The following ENTPD2 variants were observed in gnomAD, a reference collection of about 807,000 sequenced individuals.
ENTPD2 encodes CD39 antigen-like 1.
Under a neutral mutation model 46.8 loss-of-function variants are expected in ENTPD2, and 48 were observed. The ratio of observed to expected loss-of-function variants is 1.03; its 90% CI spans 0.81 to 1.30. The LOEUF (loss-of-function observed/expected upper bound fraction) is 1.30, where lower values mean the gene tolerates loss of function less well. ENTPD2 is among the 50% of genes most tolerant of loss of function. The pLI is 0.00. For missense variants in ENTPD2, 707 were observed against 651.1 expected, an observed-to-expected ratio of 1.09 and a Z score of -0.93; for synonymous variants, 316 against 286.1, an observed-to-expected ratio of 1.10 and a Z score of -1.06.
At position 137,048,731 on chromosome 9, in the gene ENTPD2, C is replaced by T. The variant is rs753972936; in HGVS notation, c.1414G>A (p.Ala472Thr). The T allele has an allele frequency of 3.1e-6, 5 of 1,604,860 alleles. No homozygotes were observed. Among genetic ancestry groups the T allele is most frequent in the South Asian group, 1.1e-5 (1 of 89,816 alleles). ...ACAAGCGCAGCCAGGAGCGCGGAGG[C>T]GAAGAGCAGCAGGAGGACGACCCAG... The part of the protein sequence containing the change: ...SSWVVLLLLF[A>T]SALLAALVLL... Residue 472 changes from alanine to threonine, a missense_variant, in exon 9 of 9, where the codon GCC (alanine) becomes ACC (threonine). Coordinates refer to ENST00000355097, the MANE Select transcript of ENTPD2 (RefSeq NM_203468.3).
chr9:137,052,585 G>T (rs909822148), intron 1 of ENTPD2: 1 of 416,144 alleles, frequency 2.4e-6, no homozygotes. Flanking sequence ...AAGCCAGCAT[G>T]CCAGGGTCTG....
Position 137,053,947 on chromosome 9 carries a change from CGCGGCGGCCAGCAGCA to C in ENTPD2, c.35_50del (p.Leu12ArgfsTer114), listed in dbSNP as rs944828515. On this transcript the variant is annotated frameshift_variant, in exon 1 of 9. Coordinates refer to ENST00000355097, the MANE Select transcript of ENTPD2 (RefSeq NM_203468.3). LOFTEE classifies it high-confidence loss of function. ...ACAGCAGTAGGAGGCCGGCGAGGCC[CGCGGCGGCCAGCAGCA>C]GCGGCGGCAGCAGTGACCGCACCTT... 1.6e-6 allele frequency: 2 copies of C among 1,224,358 alleles called. No individual in the cohort carries two copies. The highest frequency in any genetic ancestry group is 1.6e-5 in the African/African-American group (1 of 63,900). The allele number at this position is 1,224,358 out of a possible 1,614,324, so 75.8% of individuals were successfully genotyped here.
chr9:137,050,686 A>G, intron 5 of ENTPD2, 148 bp from the exon 6 acceptor site: 5 of 1,353,816 alleles, frequency 3.7e-6, no homozygotes, highest in Non-Finnish European at 4.9e-6. Flanking sequence ...ACAGATCCCA[A>G]CGCCCCTGAC....
Position 137,049,082 on chromosome 9 carries a change from CGCGGGCGGGACACCGTCAG to C in ENTPD2, c.1150-26_1150-8del. ...CTGGCACCCGAGCTTGCAGCTGGGA[CGCGGGCGGGACACCGTCAG>C]GCAGGCGACCACCAGGAGGTCTCGG... On this transcript the variant is annotated splice_polypyrimidine_tract_variant and splice_region_variant and intron_variant, in intron 7 of 8. Transcript: ENST00000355097. 6.5e-7 allele frequency: 1 copy of C among 1,531,666 alleles called. No individual in the cohort carries two copies. Among genetic ancestry groups the C allele is most frequent in the Non-Finnish European group, 8.7e-7 (1 of 1,144,214 alleles). The allele number at this position is 1,531,666 out of a possible 1,614,324, so 94.9% of individuals were successfully genotyped here. A position where few individuals can be genotyped will look rare whatever the true frequency, so the allele number is the denominator to read the frequency against.
In ENTPD2 at chr9:137,049,047, GC is replaced by G. The variant is rs752603291; in HGVS notation, c.1177del (p.Ala393ProfsTer17). On this transcript the variant is annotated frameshift_variant, in exon 8 of 9. Transcript: ENST00000355097. LOFTEE classifies it high-confidence loss of function. ...CCCGGCGCAGTAGTCGGCCAGGCGG[GC>G]CCGTTGCCCTGGCACCCGAGCTTGC... ...QLQARVPGQRARLADYCAGAM... is the reference protein window; with the variant it reads ...QLQARVPGQRXRLADYCAGAM... The G allele has an allele frequency of 3.9e-6, 6 of 1,534,296 alleles. No homozygotes were observed. In the South Asian group the frequency reaches 7.1e-5, roughly 18 times the overall value.
At chr9:137,049,795 C>A (rs1832221608) in intron 7 of ENTPD2, 75 bp downstream of exon 7, 2 of 1,514,826 alleles carry the variant, frequency 1.3e-6, no homozygotes, top group Non-Finnish European at 1.8e-6. Flanking sequence ...CCTGTCCATG[C>A]AGGGCTGGGG....
At chr9:137,053,848 C>T in intron 1 of ENTPD2, 33 bp downstream of exon 1, 1 of 1,206,806 alleles carries the variant, frequency 8.3e-7, no homozygotes, top group Non-Finnish European at 1.0e-6. Context: ...GCCCGCTGCT[C>T]CCCAGACGTG....
At chr9:137,048,913 G>GAACCC in intron 8 of ENTPD2, 28 bp downstream of exon 8, 1 of 1,478,534 alleles carries the variant, frequency 6.8e-7, no homozygotes, top group Non-Finnish European at 9.0e-7. Flanking sequence ...CCGCAAGGTC[G>GAACCC]GCCCCGCCCC....
In ENTPD2 at chr9:137,049,947, A is replaced by T. The variant is rs756765043; in HGVS notation, c.1072T>A (p.Ser358Thr). Residue 358 changes from serine (S) to threonine (T), a missense_variant, in exon 7 of 9, where the codon TCG (serine) becomes ACG (threonine). Transcript: ENST00000355097. ...AGGGTGGCCACGGGCAGCCCCATCG[A>T]AGTCCGCAAAAAGTCCACAGTGTAG... ...FFYTVDFLRT[S>T]MGLPVATLQQ... is the part of the protein sequence containing the mutation. 10 of 1,612,494 alleles carry T rather than the reference A, an allele frequency of 6.2e-6. No individual in the cohort carries two copies. The highest frequency in any genetic ancestry group is 6.8e-6 in the Non-Finnish European group (8 of 1,179,834).
chr9:137,053,276 C>G (rs1355842641), intron 1 of ENTPD2: 2 of 152,380 alleles, frequency 1.3e-5, no homozygotes, highest in Non-Finnish European at 2.9e-5. Flanking sequence ...TTAAAGGGGC[C>G]GACCAGGAGG....
chr9:137,053,066 C>G (rs1199390812), intron 1 of ENTPD2: 1 of 152,444 alleles, frequency 6.6e-6, no homozygotes, highest in Non-Finnish European at 1.5e-5. Flanking sequence ...CTCCCAGGCC[C>G]GGGCGCCAAT....
chr9:137,048,847 G>GCAGTGTC lies in ENTPD2; in HGVS notation c.1291_1297dup (p.Ala433GlyfsTer208), dbSNP rs1832194481. On this transcript the variant is annotated frameshift_variant, in exon 9 of 9. Transcript: ENST00000355097. LOFTEE classifies it low-confidence loss of function (END_TRUNC). ...CATGTAGCCGAGCGCCCAGCCCACT[G>GCAGTGTC]CAGTGTCCGCGGCCTGCGGGGAAGG... 6.5e-7 allele frequency: 1 copy of GCAGTGTC among 1,544,604 alleles called. No individual in the cohort carries two copies. Among genetic ancestry groups the GCAGTGTC allele is most frequent in the Middle Eastern group, 1.7e-4 (1 of 5,772 alleles).
In ENTPD2 at chr9:137,049,939, C is replaced by T; in HGVS notation, c.1080G>A (p.Gly360=). The part of the protein sequence containing the change: ...YTVDFLRTSM[G]LPVATLQQLE... ...GCTGCTGCAGGGTGGCCACGGGCAG[C>T]CCCATCGAAGTCCGCAAAAAGTCCA... Residue 360 remains glycine (G), a synonymous_variant, in exon 7 of 9, where the codon GGG becomes GGA. Transcript: ENST00000355097. 1 of 1,612,548 alleles carries T rather than the reference C, an allele frequency of 6.2e-7. No homozygotes were observed. The highest frequency in any genetic ancestry group is 8.5e-7 in the Non-Finnish European group (1 of 1,179,764).
Position 137,050,485 on chromosome 9 carries a change from G to A in ENTPD2, c.828C>T (p.Leu276=), listed in dbSNP as rs558487969. 51 of 1,612,798 alleles carry A rather than the reference G, an allele frequency of 3.2e-5. No homozygotes were observed. Among genetic ancestry groups the A allele is most frequent in the South Asian group, 1.9e-4 (17 of 91,084 alleles). Residue 276 remains leucine (L), a synonymous_variant, in exon 6 of 9, where the codon CTC becomes CTT. Coordinates refer to ENST00000355097, the MANE Select transcript of ENTPD2 (RefSeq NM_203468.3). ...TGCATGGTGACTGGTACACATCCCC[G>A]AGCAGCACTTGGGTGGAAAAGCCCC... ...WPRGFSTQVL[L]GDVYQSPCTM...
chr9:137,052,313 C>T lies in ENTPD2; in HGVS notation c.153G>A (p.Thr51=), dbSNP rs2271866. 4.5e-6 allele frequency: 7 copies of T among 1,559,736 alleles called. No homozygotes were observed. The highest frequency in any genetic ancestry group is 4.2e-5 in the African/African-American group (3 of 72,054). ...CCGGCCACTTGTAGATAAACATGGA[C>T]GTGTGTGAAGAACCAGCGTCCAGGA... is the stretch of plus-strand genomic sequence containing the variant. The part of the protein sequence containing the change: ...GIVLDAGSSH[T]SMFIYKWPAD... The change falls in exon 2 of 9, where the codon ACG becomes ACA. Residue 51 remains threonine, a synonymous_variant. Transcript: ENST00000355097.
chr9:137,048,725 C>G lies in ENTPD2; in HGVS notation c.1420G>C (p.Ala474Pro). ...WVVLLLLFASALLAALVLLLR... is the reference protein window; with the variant it reads ...WVVLLLLFASPLLAALVLLLR... ...AGCAGGACAAGCGCAGCCAGGAGCG[C>G]GGAGGCGAAGAGCAGCAGGAGGACG... The change falls in exon 9 of 9, where the codon GCG (alanine) becomes CCG (proline). Residue 474 changes from alanine to proline, a missense_variant. Ala to Pro is a conservative substitution (Grantham distance 27, BLOSUM62 -1). Coordinates refer to ENST00000355097, the MANE Select transcript of ENTPD2 (RefSeq NM_203468.3). 1.9e-6 allele frequency: 3 copies of G among 1,605,936 alleles called. No individual in the cohort carries two copies. Among genetic ancestry groups the G allele is most frequent in the Non-Finnish European group, 2.5e-6 (3 of 1,176,880 alleles).
Position 137,049,400 on chromosome 9 carries a change from T to A in ENTPD2, c.1150-325A>T, listed in dbSNP as rs1048312957. The A allele has an allele frequency of 5.1e-6, 3 of 589,880 alleles. No individual in the cohort carries two copies. In the Admixed American group the frequency reaches 8.4e-5, roughly 17 times the overall value. The allele number at this position is 589,880 out of a possible 1,614,324, so 36.5% of individuals were successfully genotyped here. The stretch of plus-strand genomic sequence containing the variant: ...ACAGGACGAGCTCCAGGCCTGAGTC[T>A]GCCCGCTGGCTCGCCGCCTGTCCCC... On this transcript the variant is annotated intron_variant, in intron 7 of 8. Transcript: ENST00000355097.
At position 137,053,994 on chromosome 9, in the gene ENTPD2, C is replaced by T. The variant is rs1180950570; in HGVS notation, c.4G>A (p.Ala2Thr). Residue 2 changes from alanine to threonine, a missense_variant, in exon 1 of 9, where the codon GCC becomes ACC. Transcript: ENST00000355097. M[A>T]GKVRSLLPPL... ...GGCAGCAGTGACCGCACCTTCCCGG[C>T]CATGGGCGGGCGGGCGCGCGGGAGG... 2.5e-6 allele frequency: 3 copies of T among 1,203,806 alleles called. No individual in the cohort carries two copies. Among genetic ancestry groups the T allele is most frequent in the Admixed American group, 8.7e-5 (2 of 23,030 alleles). The allele number at this position is 1,203,806 out of a possible 1,614,324, so 74.6% of individuals were successfully genotyped here. A position where few individuals can be genotyped will look rare whatever the true frequency, so the allele number is the denominator to read the frequency against.
rs769215368 is a variant in ENTPD2 at position 137,050,473 on chromosome 9, G to A, written c.840C>T (p.Tyr280=). 3.1e-6 allele frequency: 5 copies of A among 1,612,882 alleles called. No homozygotes were observed. Among genetic ancestry groups the A allele is most frequent in the Middle Eastern group, 1.7e-4 (1 of 6,060 alleles). Residue 280 remains tyrosine, a synonymous_variant, in exon 6 of 9, where the codon TAC becomes TAT. Transcript: ENST00000355097. ...FSTQVLLGDV[Y]QSPCTMAQRP... ...GCTGGGCCATGGTGCATGGTGACTG[G>A]TACACATCCCCGAGCAGCACTTGGG...
Sources: gnomAD v4.1 joint callset for allele counts on GRCh38, gnomAD v4.1.1 for gene constraint, MANE v1.5 for transcripts, NCBI Gene and HGNC (gene_info 2026-07-23, HGNC 2026-07-21) for gene names.